Variants in TJP1 observed in about 807,000 individuals in gnomAD.
TJP1 encodes the protein tight junction protein 1, also known as tight junction protein ZO-1.
A neutral mutation model predicts 194.2 loss-of-function variants in TJP1; 43 were observed. The observed-to-expected ratio is 0.22, with a 90% CI of 0.17 to 0.29. The LOEUF is 0.29. Ranked by LOEUF, TJP1 falls within the 10% of genes least tolerant of loss-of-function variation. The pLI is 1.00. For synonymous variants in TJP1, 801 were observed against 779.0 expected (o/e 1.03, Z -0.47); for missense variants, 1,971 against 2,185.7 (o/e 0.90, Z 1.96).
At chr15:29,907,696 A>G (rs1310231828) in intron 2 of TJP1, among the ~76,000 whole-genome samples, 1 of 152,148 alleles carries the variant, frequency 6.6e-6, no homozygotes, top group Non-Finnish European at 1.5e-5. Flanking sequence ...CAACTAAGCT[A>G]TCAATGCCAC....
chr15:29,817,190 A>C (rs1030213121), intron 1 of TJP1, among the ~76,000 whole-genome samples: 2 of 152,196 alleles, frequency 1.3e-5, no homozygotes, highest in African/African-American at 4.8e-5. Flanking sequence ...ATGCTGCCAA[A>C]AAAAAGGAGG....
chr15:29,891,034 G>A (rs2053289860), intron 2 of TJP1, among the ~76,000 whole-genome samples: 1 of 152,224 alleles, frequency 6.6e-6, no homozygotes, highest in Admixed American at 6.5e-5. Flanking sequence ...CATTCTCCTA[G>A]AGCAGCATCT....
intron 2 of TJP1, among the ~76,000 whole-genome samples, chr15:29,851,386 G>A (rs1377074226): frequency 6.6e-6 from 1 of 151,922 alleles, no homozygotes; most frequent in African/African-American, 2.4e-5. Flanking sequence ...GAAGAAATGG[G>A]CAAATACCTC....
At chr15:29,958,354 C>G (rs1286141429) in intron 1 of TJP1, among the ~76,000 whole-genome samples, 1 of 143,212 alleles carries the variant, frequency 7.0e-6, no homozygotes, top group African/African-American at 2.6e-5. Flanking sequence ...GGATTTTTTT[C>G]TTTCTTTACC....
intron 10 of TJP1, among the ~76,000 whole-genome samples, chr15:29,737,945 TCA>T (rs1185309387): frequency 2.0e-5 from 3 of 152,334 alleles, no homozygotes; most frequent in African/African-American, 7.2e-5. Context: ...TTTCAGTAGT[TCA>T]CAGAGTAGTT....
At chr15:29,824,942 ATAT>A (rs961030643), upstream of TJP1, among the ~76,000 whole-genome samples, 3 of 152,210 alleles carry the variant, frequency 2.0e-5, no homozygotes, top group Non-Finnish European at 4.4e-5. Context: ...CATCTTGAAA[ATAT>A]TATTCTTTAA....
At chr15:29,949,352 A>C (rs370194439) in intron 2 of TJP1, among the ~76,000 whole-genome samples, 1 of 97,296 alleles carries the variant, frequency 1.0e-5, no homozygotes, top group African/African-American at 3.1e-5. Flanking sequence ...CACCACCACC[A>C]CCTCCACCAC....
Position 29,708,650 on chromosome 15 carries a change from C to G in TJP1, c.4759G>C (p.Asp1587His). ...SHSLAQPPEF[D>H]SGVETFSIHA... ...ATAGAGAAAGTTTCAACTCCACTGT[C>G]AAACTCAGGAGGCTGTGCCAAACTG... Residue 1587 changes from aspartate to histidine, a missense_variant, in exon 25 of 28, where the codon GAC becomes CAC. By Grantham distance (81) the Asp-to-His change is moderately conservative. This residue lies in a region of TJP1 where 1,108 missense variants were observed against 1,128.5 expected (regional missense o/e 0.98). Transcript: ENST00000614355. 1.2e-6 allele frequency: 2 copies of G among 1,614,202 alleles called. No homozygotes were observed. The highest frequency in any genetic ancestry group is 2.2e-5 in the South Asian group (2 of 91,080).
intron 2 of TJP1, among the ~76,000 whole-genome samples, chr15:29,837,067 A>ACG (rs2051058963): frequency 6.6e-6 from 1 of 152,208 alleles, no homozygotes; most frequent in Admixed American, 6.5e-5. Flanking sequence ...GTAATTACAC[A>ACG]TGTGTTACTG....
chr15:29,794,797 T>G (rs969023270), intron 2 of TJP1, among the ~76,000 whole-genome samples: 3 of 151,944 alleles, frequency 2.0e-5, no homozygotes, highest in Non-Finnish European at 4.4e-5. Flanking sequence ...TAATGAATAA[T>G]CTCGCTTCCA....
At chr15:29,780,799 AG>A (rs1279741653) in intron 2 of TJP1, among the ~76,000 whole-genome samples, 1 of 152,214 alleles carries the variant, frequency 6.6e-6, no homozygotes, top group Non-Finnish European at 1.5e-5. Context: ...CATTTTAGAT[AG>A]GAATATAAGA....
At chr15:29,807,274 C>T (rs1247602742) in intron 1 of TJP1, among the ~76,000 whole-genome samples, 1 of 152,174 alleles carries the variant, frequency 6.6e-6, no homozygotes, top group Non-Finnish European at 1.5e-5. Flanking sequence ...TAAGCTGCTA[C>T]ATTAGCTATA....
At chr15:29,806,131 G>A (rs1177499156) in intron 1 of TJP1, among the ~76,000 whole-genome samples, 3 of 152,176 alleles carry the variant, frequency 2.0e-5, no homozygotes, top group African/African-American at 7.2e-5. Context: ...AATGATTTGA[G>A]AAAGGGAAAC....
At chr15:29,916,957 C>T (rs561236744) in intron 2 of TJP1, among the ~76,000 whole-genome samples, 27 of 152,192 alleles carry the variant, frequency 1.8e-4, no homozygotes, top group Non-Finnish European at 3.7e-4. Context: ...TGCACATACG[C>T]ACACAGAACC....
At chr15:29,874,295 G>A (rs1315534327) in intron 2 of TJP1, among the ~76,000 whole-genome samples, 2 of 152,172 alleles carry the variant, frequency 1.3e-5, no homozygotes, top group Admixed American at 1.3e-4. Context: ...GTGTATCAGG[G>A]ATGGGGTTGC....
Position 29,925,600 on chromosome 15 carries a change from AATACACGCACCC to A in TJP1, c.306+30620_306+30631del, listed in dbSNP as rs1224358768. On this transcript the variant is annotated intron_variant, in intron 2 of 28. Transcript: ENST00000356107. ...GGGACATTATTCTTAGAAATACACA[AATACACGCACCC>A]TTTTTTCTAGTATGGGCTGTTCTTA... 4.6e-5 allele frequency among the ~76,000 whole-genome samples: 7 copies of A among 152,150 alleles called. No homozygotes were observed. In the East Asian group the frequency reaches 1.4e-3, roughly 29 times the overall value.
At chr15:29,921,290 A>G (rs1377041235) in intron 2 of TJP1, among the ~76,000 whole-genome samples, 1 of 152,170 alleles carries the variant, frequency 6.6e-6, no homozygotes, top group Non-Finnish European at 1.5e-5. Context: ...CTATCTCTTC[A>G]GACCAGATTC....
chr15:29,959,977 TAG>T (rs2056095252), intron 1 of TJP1, among the ~76,000 whole-genome samples: 1 of 152,092 alleles, frequency 6.6e-6, no homozygotes, highest in Admixed American at 6.5e-5. Flanking sequence ...GAAAGAAAAA[TAG>T]AGTTATAAAA....
chr15:29,765,118 G>A (rs2046252844), intron 5 of TJP1, among the ~76,000 whole-genome samples: 1 of 152,140 alleles, frequency 6.6e-6, no homozygotes, highest in African/African-American at 2.4e-5. Flanking sequence ...AAAATAAGGA[G>A]TGGTTAACCA....
Sources: allele counts gnomAD v4.1 joint callset (sites outside exome capture counted in the v4.1 genomes callset), GRCh38; gene constraint gnomAD v4.1.1; regional missense constraint gnomAD v4.1.1; transcripts MANE v1.5; gene names NCBI Gene and HGNC (gene_info 2026-07-23, HGNC 2026-07-21).